TNRC6B: variants seen among roughly 807,000 people sequenced by gnomAD.
TNRC6B encodes the protein trinucleotide repeat-containing gene 6B protein.
TNRC6B carries 52 observed loss-of-function variants against 203.6 expected under a neutral mutation model. The ratio of observed to expected loss-of-function variants is 0.26; its 90% CI spans 0.20 to 0.32. The LOEUF (loss-of-function observed/expected upper bound fraction) is 0.32. Ranked by LOEUF, TNRC6B falls within the 10% of genes least tolerant of loss-of-function variation. The pLI is 1.00. For synonymous variants in TNRC6B, 838 were observed against 845.7 expected, an observed-to-expected ratio of 0.99 and a Z score of 0.16; for missense variants, 1,923 against 2,286.2, an observed-to-expected ratio of 0.84 and a Z score of 3.24.
rs1229579719 is a variant in TNRC6B, at chr22:40,335,650, CTTATT to C, written c.*12412_*12416del. ...GGGTTTTTTTTGGGCTTTTAAACAGCTTATTTTTGTTTTTGTTTAGTTTTTTTATT... is the reference window on the plus strand; with the variant it reads ...GGGTTTTTTTTGGGCTTTTAAACAGCTTTGTTTTTGTTTAGTTTTTTTATT... On this transcript the variant is annotated 3_prime_UTR_variant, in exon 23 of 23. Coordinates refer to ENST00000454349, the MANE Select transcript of TNRC6B (RefSeq NM_001162501.2). 3 of 146,318 alleles carry C rather than the reference CTTATT, an allele frequency of 2.1e-5. No homozygotes were observed. The highest frequency in any genetic ancestry group is 7.6e-5 in the African/African-American group (3 of 39,342). 9.1% of individuals were successfully genotyped at this position (146,318 alleles called of 1,614,324 possible). A position where few individuals can be genotyped will look rare whatever the true frequency, so the allele number is the denominator to read the frequency against.
At chr22:40,319,867 T>TCC (rs1486748324) in intron 21 of TNRC6B, among the ~76,000 whole-genome samples, 1 of 152,170 alleles carries the variant, frequency 6.6e-6, no homozygotes, top group African/African-American at 2.4e-5. Flanking sequence ...TGGAAGGTGT[T>TCC]CCCCTCAGAT....
At chr22:40,056,470 C>G (rs369505714) in intron 1 of TNRC6B, among the ~76,000 whole-genome samples, 1 of 152,028 alleles carries the variant, frequency 6.6e-6, no homozygotes, top group African/African-American at 2.4e-5. Flanking sequence ...GGAAGCAGGA[C>G]GAGGTTGAGA....
At chr22:40,312,222 G>C (rs1338574979) in intron 17 of TNRC6B, among the ~76,000 whole-genome samples, 1 of 152,196 alleles carries the variant, frequency 6.6e-6, no homozygotes, top group Non-Finnish European at 1.5e-5. Context: ...CCTGCCTTCA[G>C]CCCTGAAGTC....
chr22:40,257,048 A>G (rs2070290411), intron 3 of TNRC6B, among the ~76,000 whole-genome samples: 1 of 152,218 alleles, frequency 6.6e-6, no homozygotes, highest in South Asian at 2.1e-4. Context: ...ATTGTTCAGT[A>G]CACATTGACC....
chr22:40,153,500 G>A (rs2068779116), intron 3 of TNRC6B, among the ~76,000 whole-genome samples: 1 of 151,330 alleles, frequency 6.6e-6, no homozygotes, highest in African/African-American at 2.4e-5. Flanking sequence ...AGTTCTGTTG[G>A]AGAGTTTGAG....
chr22:40,131,184 T>C (rs932994166), intron 3 of TNRC6B, among the ~76,000 whole-genome samples: 10 of 152,132 alleles, frequency 6.6e-5, no homozygotes, highest in Non-Finnish European at 1.2e-4. Flanking sequence ...CCTCCCAAAG[T>C]GCTGGGATTA....
intron 3 of TNRC6B, among the ~76,000 whole-genome samples, chr22:40,132,384 C>T (rs929990081): frequency 1.1e-4 from 15 of 141,852 alleles, no homozygotes; most frequent in African/African-American, 3.0e-4. Context: ...CGAGACGAGA[C>T]GGGACGGGAC....
At chr22:40,194,195 G>T (rs1384632877) in intron 1 of TNRC6B, among the ~76,000 whole-genome samples, 3 of 152,220 alleles carry the variant, frequency 2.0e-5, no homozygotes, top group Non-Finnish European at 4.4e-5. Context: ...CTGGGTTGGA[G>T]GAGGTGGGAA....
At chr22:40,192,664 A>G (rs1230200011) in intron 1 of TNRC6B, among the ~76,000 whole-genome samples, 1 of 150,896 alleles carries the variant, frequency 6.6e-6, no homozygotes, top group Non-Finnish European at 1.5e-5. Flanking sequence ...CCGAAGTGGG[A>G]TGAGTCCATC....
At chr22:40,232,749 A>G (rs1187262607) in intron 1 of TNRC6B, among the ~76,000 whole-genome samples, 3 of 152,236 alleles carry the variant, frequency 2.0e-5, no homozygotes, top group African/African-American at 7.2e-5. Flanking sequence ...GCAGTGGTGC[A>G]CGCCTCTAAT....
intron 12 of TNRC6B, among the ~76,000 whole-genome samples, chr22:40,298,278 A>G (rs954488634): frequency 3.9e-5 from 6 of 152,200 alleles, no homozygotes; most frequent in Admixed American, 1.3e-4. Context: ...AGGAGTTACA[A>G]TCACCAGAGA....
intron 1 of TNRC6B, among the ~76,000 whole-genome samples, chr22:40,194,573 GTATT>G (rs1013308560): frequency 5.9e-5 from 9 of 152,166 alleles, no homozygotes; most frequent in African/African-American, 2.2e-4. Flanking sequence ...AGAAATATCT[GTATT>G]TCAGGTAGCA....
intron 3 of TNRC6B, among the ~76,000 whole-genome samples, chr22:40,144,573 G>C (rs1381743448): frequency 6.6e-6 from 1 of 151,690 alleles, no homozygotes; most frequent in African/African-American, 2.4e-5. Flanking sequence ...TACTTGGTAG[G>C]CTGAGGCAGG....
At chr22:40,288,629 G>A (rs1161163531) in intron 12 of TNRC6B, among the ~76,000 whole-genome samples, 9 of 150,232 alleles carry the variant, frequency 6.0e-5, no homozygotes, top group East Asian at 5.9e-4. Context: ...TGCAACCTCC[G>A]CCTCCCAAGT....
At chr22:40,182,320 G>A (rs910827805) in intron 1 of TNRC6B, among the ~76,000 whole-genome samples, 6 of 152,158 alleles carry the variant, frequency 3.9e-5, no homozygotes, top group Admixed American at 3.9e-4. Context: ...TTAGATATTA[G>A]ACTTCTTTAA....
At chr22:40,079,073 T>G (rs144987394) in intron 1 of TNRC6B, among the ~76,000 whole-genome samples, 3 of 148,218 alleles carry the variant, frequency 2.0e-5, no homozygotes, top group Non-Finnish European at 4.5e-5. Flanking sequence ...AAACTCTGTC[T>G]CAAAAAAAAA....
chr22:40,110,566 T>A (rs1412234397), intron 1 of TNRC6B, among the ~76,000 whole-genome samples: 2 of 152,234 alleles, frequency 1.3e-5, no homozygotes. Context: ...CAGATTATTC[T>A]GGGGCCAGGC....
rs578127920 is a variant in TNRC6B, at chr22:40,321,434, G to A, written c.5114+205G>A. 3.7e-5 allele frequency: 20 copies of A among 535,200 alleles called. No homozygotes were observed. The South Asian group carries it at 5.0e-4, about 13-fold the overall frequency. 33.2% of individuals were successfully genotyped at this position (535,200 alleles called of 1,614,324 possible). On this transcript the variant is annotated intron_variant, in intron 22 of 22. Transcript: ENST00000454349. ...CTTGGATTGTCCTGTATATATCAGA[G>A]GCCAGTCGTCAGAATTCCAAACGTA...
intron 15 of TNRC6B, among the ~76,000 whole-genome samples, chr22:40,304,722 T>C (rs539561627): frequency 6.6e-6 from 1 of 152,344 alleles, no homozygotes; most frequent in Non-Finnish European, 1.5e-5. Flanking sequence ...TCTTAGAAAA[T>C]GCATTTCTGA....
Sources: gnomAD v4.1 joint callset for allele counts (sites outside exome capture counted in the v4.1 genomes callset) on GRCh38, gnomAD v4.1.1 for gene constraint, MANE v1.5 for transcripts, NCBI Gene and HGNC (gene_info 2026-07-23, HGNC 2026-07-21) for gene names.